IRGM: variants seen among roughly 807,000 people sequenced by gnomAD.
IRGM encodes the protein immunity-related GTPase family M protein.
For missense variants in IRGM, 288 were observed against 219.9 expected (o/e 1.31, Z -1.96); for synonymous variants, 98 against 80.6 (o/e 1.22, Z -1.16).
chr5:150,877,669 G>C (rs1338636035), intron 1 of IRGM, among the ~76,000 whole-genome samples: 1 of 152,274 alleles, frequency 6.6e-6, no homozygotes, highest in East Asian at 1.9e-4. Flanking sequence ...TAAGTAGCCT[G>C]CCCAGGATCA....
At chr5:150,861,581 T>G (rs547208889) in intron 1 of IRGM, among the ~76,000 whole-genome samples, 2 of 152,234 alleles carry the variant, frequency 1.3e-5, no homozygotes, top group African/African-American at 4.8e-5. Context: ...ATGTTTGTTC[T>G]TGTTATCCTG....
chr5:150,864,110 A>G (rs1754173249), intron 1 of IRGM, among the ~76,000 whole-genome samples: 1 of 152,132 alleles, frequency 6.6e-6, no homozygotes, highest in Non-Finnish European at 1.5e-5. Flanking sequence ...ACAGAGCTGG[A>G]ATCTATCCAG....
At position 150,846,583 on chromosome 5, in the gene IRGM, A is replaced by G. The variant is rs1037551493; in HGVS notation, c.-1053A>G. The stretch of plus-strand genomic sequence containing the variant: ...TTTGTTTTTTTGCACTTTGCAGTAA[A>G]TCTTGCTGCTGCTCATTCTTTGGGT... On this transcript the variant is annotated 5_prime_UTR_variant, in exon 1 of 2. Transcript: ENST00000522154. 1.4e-5 allele frequency: 2 copies of G among 147,012 alleles called. No individual in the cohort carries two copies. The highest frequency in any genetic ancestry group is 6.6e-5 in the Admixed American group (1 of 15,078). 9.1% of individuals were successfully genotyped at this position (147,012 alleles called of 1,614,324 possible).
chr5:150,860,012 C>T (rs1754113558), intron 1 of IRGM, among the ~76,000 whole-genome samples: 1 of 152,142 alleles, frequency 6.6e-6, no homozygotes, highest in Non-Finnish European at 1.5e-5. Flanking sequence ...TTATAGATTT[C>T]ATTGCCCAAT....
At position 150,848,674 on chromosome 5, in the gene IRGM, T is replaced by C; in HGVS notation, c.*5T>C. ...GAGCGGGTATGTGAATACTAATTCC[T>C]GTCTTCATTAAACATTTTCCATCTC... On this transcript the variant is annotated 3_prime_UTR_variant, in exon 2 of 2. Coordinates refer to ENST00000522154, the MANE Select transcript of IRGM (RefSeq NM_001145805.2). 1.3e-6 allele frequency: 2 copies of C among 1,504,246 alleles called. No homozygotes were observed. The highest frequency in any genetic ancestry group is 8.9e-7 in the Non-Finnish European group (1 of 1,118,676). 93.2% of individuals were successfully genotyped at this position (1,504,246 alleles called of 1,614,324 possible).
downstream of IRGM, among the ~76,000 whole-genome samples, chr5:150,900,939 A>C (rs1316187939): frequency 6.6e-6 from 1 of 152,124 alleles, no homozygotes; most frequent in African/African-American, 2.4e-5. Flanking sequence ...TTTGAGGAAA[A>C]TATAGTACAT....
intron 3 of IRGM, among the ~76,000 whole-genome samples, chr5:150,883,244 G>T (rs934680947): frequency 6.6e-6 from 1 of 151,722 alleles, no homozygotes; most frequent in African/African-American, 2.4e-5. Flanking sequence ...ACTCTATTGC[G>T]CACTAATGAA....
At chr5:150,873,763 G>A (rs1039009173) in intron 1 of IRGM, among the ~76,000 whole-genome samples, 1 of 152,190 alleles carries the variant, frequency 6.6e-6, no homozygotes, top group Non-Finnish European at 1.5e-5. Flanking sequence ...GACTGGTAGG[G>A]TGAGGGCTAT....
At chr5:150,852,486 C>A (rs911680089), downstream of IRGM, among the ~76,000 whole-genome samples, 1 of 152,022 alleles carries the variant, frequency 6.6e-6, no homozygotes, top group African/African-American at 2.4e-5. Flanking sequence ...ATAATCAAAG[C>A]CCATTTTAGA....
At chr5:150,893,545 G>T (rs577293324) in intron 3 of IRGM, among the ~76,000 whole-genome samples, 1 of 152,116 alleles carries the variant, frequency 6.6e-6, no homozygotes, top group Non-Finnish European at 1.5e-5. Flanking sequence ...CTAATCACAC[G>T]TATTAGATAC....
intron 3 of IRGM, among the ~76,000 whole-genome samples, chr5:150,893,261 A>G (rs1366017369): frequency 1.3e-5 from 2 of 152,138 alleles, no homozygotes; most frequent in African/African-American, 4.8e-5. Context: ...ACAGGTAATT[A>G]TCAGTTTTCA....
At chr5:150,870,243 C>T (rs1754264149) in intron 1 of IRGM, among the ~76,000 whole-genome samples, 2 of 152,112 alleles carry the variant, frequency 1.3e-5, no homozygotes, top group Non-Finnish European at 2.9e-5. Flanking sequence ...GTGCACATCC[C>T]TAACCTCGGC....
At chr5:150,876,163 A>C (rs978901566) in intron 1 of IRGM, among the ~76,000 whole-genome samples, 3 of 152,202 alleles carry the variant, frequency 2.0e-5, no homozygotes, top group African/African-American at 7.2e-5. Context: ...TACAACACCA[A>C]CTATGTGACA....
chr5:150,897,212 T>C (rs1290784878), intron 3 of IRGM: 1 of 386,218 alleles, frequency 2.6e-6, no homozygotes, highest in East Asian at 3.9e-5. Flanking sequence ...TGGGGTCTCA[T>C]CACTAATTTT....
chr5:150,860,325 G>T (rs1314590810), intron 1 of IRGM, among the ~76,000 whole-genome samples: 1 of 152,128 alleles, frequency 6.6e-6, no homozygotes, highest in African/African-American at 2.4e-5. Flanking sequence ...TGAATAAGTG[G>T]TTTATCAAAA....
chr5:150,868,153 A>G (rs934961853), intron 1 of IRGM, among the ~76,000 whole-genome samples: 5 of 152,038 alleles, frequency 3.3e-5, no homozygotes, highest in Admixed American at 2.6e-4. Flanking sequence ...TTTATATAAG[A>G]TGAGAGATAA....
downstream of IRGM, among the ~76,000 whole-genome samples, chr5:150,850,832 G>A (rs149040688): frequency 9.4e-4 from 143 of 152,278 alleles, 1 homozygote; most frequent in African/African-American, 3.3e-3. Context: ...TCCCTGCCTG[G>A]CTGTGCCTGA....
intron 1 of IRGM, among the ~76,000 whole-genome samples, chr5:150,865,279 A>T (rs1754190930): frequency 1.3e-5 from 2 of 152,224 alleles, no homozygotes. Flanking sequence ...AATATTAAAG[A>T]ATATTCAGCC....
intron 1 of IRGM, among the ~76,000 whole-genome samples, chr5:150,868,216 T>G (rs1754234088): frequency 6.6e-6 from 1 of 152,196 alleles, no homozygotes; most frequent in Non-Finnish European, 1.5e-5. Context: ...CAGCATCATT[T>G]GTTGAATACA....
Sources: allele counts gnomAD v4.1 joint callset (sites outside exome capture counted in the v4.1 genomes callset), GRCh38; gene constraint gnomAD v4.1.1; transcripts MANE v1.5; gene names NCBI Gene and HGNC (gene_info 2026-07-23, HGNC 2026-07-21).